Variants in NKD1 observed in about 807,000 individuals in gnomAD.
NKD1 encodes the protein NKD inhibitor of Wnt signaling pathway 1.
NKD1 carries 21 observed loss-of-function variants against 56.0 expected under a neutral mutation model. The observed-to-expected ratio is 0.38, with a 90% CI of 0.27 to 0.54. NKD1 has a LOEUF of 0.54. NKD1 is among the 20% of genes least tolerant of loss of function. The pLI, the probability that NKD1 is intolerant of heterozygous loss-of-function variation, is 0.82. For missense variants in NKD1, 578 were observed against 642.7 expected, an observed-to-expected ratio of 0.90 and a Z score of 1.09; for synonymous variants, 263 against 265.7, an observed-to-expected ratio of 0.99 and a Z score of 0.10.
At chr16:50,579,194 T>C (rs892219957) in intron 3 of NKD1, among the ~76,000 whole-genome samples, 1 of 148,942 alleles carries the variant, frequency 6.7e-6, no homozygotes, top group African/African-American at 2.5e-5. Flanking sequence ...TCCTGCAGGC[T>C]ACCCGCTACA....
intron 3 of NKD1, among the ~76,000 whole-genome samples, 161 bp downstream of exon 3, chr16:50,549,716 C>T (rs1345945334): frequency 6.6e-6 from 1 of 152,202 alleles, no homozygotes; most frequent in Non-Finnish European, 1.5e-5. Flanking sequence ...ACCCTCTGCC[C>T]GCATGCCTTG....
intron 3 of NKD1, among the ~76,000 whole-genome samples, chr16:50,554,459 T>C (rs1244957427): frequency 1.3e-5 from 2 of 152,202 alleles, no homozygotes; most frequent in Admixed American, 1.3e-4. Flanking sequence ...TCACCCTCCC[T>C]GCCTCCTTTT....
intron 3 of NKD1, chr16:50,573,841 G>A (rs1002250628): frequency 1.0e-6 from 1 of 985,294 alleles, no homozygotes; most frequent in Non-Finnish European, 1.2e-6. Context: ...GCTGGCCTCA[G>A]CCACAGGGGC....
chr16:50,577,956 T>G (rs1040993415), intron 3 of NKD1, among the ~76,000 whole-genome samples: 3 of 152,248 alleles, frequency 2.0e-5, no homozygotes, highest in Non-Finnish European at 4.4e-5. Flanking sequence ...ACTTATTTTC[T>G]TGACCCATGT....
intron 3 of NKD1, among the ~76,000 whole-genome samples, chr16:50,594,062 TGA>T (rs894063981): frequency 6.7e-5 from 10 of 150,076 alleles, no homozygotes; most frequent in Non-Finnish European, 1.0e-4. Context: ...GCTGGCTGAA[TGA>T]GAGAGGTTCC....
chr16:50,548,796 C>G, intron 2 of NKD1, 47 bp downstream of exon 2: 1 of 1,350,632 alleles, frequency 7.4e-7, no homozygotes, highest in South Asian at 1.9e-5. Context: ...GCGGGGGACA[C>G]CGCGGCCGCG....
intron 3 of NKD1, among the ~76,000 whole-genome samples, chr16:50,596,878 A>G (rs1961483684): frequency 6.6e-6 from 1 of 152,186 alleles, no homozygotes; most frequent in Non-Finnish European, 1.5e-5. Context: ...CCAGAGGAAG[A>G]GTCTTCCGGG....
At chr16:50,582,567 G>A (rs940880349) in intron 3 of NKD1, among the ~76,000 whole-genome samples, 6 of 152,192 alleles carry the variant, frequency 3.9e-5, no homozygotes, top group African/African-American at 1.4e-4. Flanking sequence ...GACACAGCAG[G>A]GATTCTGGGG....
At chr16:50,571,285 G>A (rs1960877029) in intron 3 of NKD1, among the ~76,000 whole-genome samples, 6 of 152,206 alleles carry the variant, frequency 3.9e-5, no homozygotes, top group Non-Finnish European at 8.8e-5. Flanking sequence ...CCAGGGCTCT[G>A]CCTCCTGTGG....
intron 6 of NKD1, among the ~76,000 whole-genome samples, chr16:50,627,189 G>C (rs923363971): frequency 6.6e-6 from 1 of 152,076 alleles, no homozygotes; most frequent in African/African-American, 2.4e-5. Context: ...ACTGAAATTT[G>C]GTCCGGGGTC....
chr16:50,575,063 G>A, intron 3 of NKD1: 1 of 984,810 alleles, frequency 1.0e-6, no homozygotes, highest in Non-Finnish European at 1.2e-6. Flanking sequence ...TGAGAGAGCT[G>A]GAAAGTTGTT....
At chr16:50,630,408 C>A in intron 7 of NKD1, 75 bp downstream of exon 7, 1 of 1,537,912 alleles carries the variant, frequency 6.5e-7, no homozygotes, top group Non-Finnish European at 8.9e-7. Flanking sequence ...CCTGGGAGGG[C>A]CGGAAGGGAA....
chr16:50,603,575 C>T (rs944928869), intron 3 of NKD1, among the ~76,000 whole-genome samples: 1 of 152,236 alleles, frequency 6.6e-6, no homozygotes, highest in Non-Finnish European at 1.5e-5. Flanking sequence ...CTTTGAAACC[C>T]GTGGCACCAA....
intron 3 of NKD1, among the ~76,000 whole-genome samples, chr16:50,604,666 A>C (rs1216757686): frequency 6.6e-6 from 1 of 152,216 alleles, no homozygotes; most frequent in East Asian, 1.9e-4. Flanking sequence ...AGCATGTGTG[A>C]AGCAGAGCTG....
At chr16:50,621,239 A>G (rs1289739413) in intron 4 of NKD1, among the ~76,000 whole-genome samples, 1 of 152,230 alleles carries the variant, frequency 6.6e-6, no homozygotes, top group South Asian at 2.1e-4. Flanking sequence ...GAAAATGGCC[A>G]TGGTCCCTAA....
At position 50,630,836 on chromosome 16, in the gene NKD1, C is replaced by T. The variant is rs544014073; in HGVS notation, c.621C>T (p.Ser207=). The part of the protein sequence containing the change: ...SVLVNQADLQ[S]ARPRAETKPT... ...TCGGGCCGGACTCAGACCTGCAGAG[C>T]GCAAGGCCCCGAGCAGAGACCAAGC... Residue 207 remains serine (S), a synonymous_variant, in exon 8 of 10, where the codon AGC becomes AGT. Transcript: ENST00000268459. The T allele has an allele frequency of 5.6e-5, 90 of 1,602,100 alleles. No individual in the cohort carries two copies. In the South Asian group the frequency reaches 6.9e-4, roughly 12 times the overall value.
intron 3 of NKD1, among the ~76,000 whole-genome samples, chr16:50,571,989 C>T (rs1417989030): frequency 6.6e-6 from 1 of 152,204 alleles, no homozygotes; most frequent in Non-Finnish European, 1.5e-5. Flanking sequence ...GGAACACACC[C>T]ATCACATGCC....
chr16:50,610,462 G>T (rs115705884), intron 4 of NKD1, among the ~76,000 whole-genome samples: 4 of 152,172 alleles, frequency 2.6e-5, no homozygotes, highest in Non-Finnish European at 4.4e-5. Flanking sequence ...GTAGGCCACC[G>T]CGTGGCCAGG....
intron 3 of NKD1, among the ~76,000 whole-genome samples, chr16:50,592,835 G>A (rs973082998): frequency 2.0e-5 from 3 of 152,112 alleles, no homozygotes; most frequent in African/African-American, 7.2e-5. Context: ...GTGCAGAAGC[G>A]GGTGGAGACA....
Sources: gnomAD v4.1 joint callset for allele counts (sites outside exome capture counted in the v4.1 genomes callset) on GRCh38, gnomAD v4.1.1 for gene constraint, MANE v1.5 for transcripts, NCBI Gene and HGNC (gene_info 2026-07-23, HGNC 2026-07-21) for gene names.